TSGA10: variants seen among roughly 807,000 people sequenced by gnomAD.
TSGA10 encodes the protein testis-specific gene 10 protein.
TSGA10 carries 43 observed loss-of-function variants against 96.6 expected under a neutral mutation model. The observed-to-expected ratio is 0.44, with a 90% CI of 0.35 to 0.57. The LOEUF (loss-of-function observed/expected upper bound fraction) is 0.57, where lower values mean the gene tolerates loss of function less well. Ranked by LOEUF, TSGA10 falls within the 20% of genes least tolerant of loss-of-function variation. The pLI, the probability that TSGA10 is intolerant of heterozygous loss-of-function variation, is 0.01. For missense variants in TSGA10, 703 were observed against 834.4 expected, an observed-to-expected ratio of 0.84 and a Z score of 1.94; for synonymous variants, 229 against 269.9, an observed-to-expected ratio of 0.85 and a Z score of 1.48.
intron 16 of TSGA10, among the ~76,000 whole-genome samples, chr2:99,063,055 G>A (rs996256211): frequency 2.0e-5 from 3 of 152,154 alleles, no homozygotes; most frequent in Non-Finnish European, 4.4e-5. Context: ...TTATTGACAA[G>A]GGGATAAATT....
At chr2:99,053,693 A>T (rs1375502838) in intron 16 of TSGA10, among the ~76,000 whole-genome samples, 1 of 152,224 alleles carries the variant, frequency 6.6e-6, no homozygotes, top group Non-Finnish European at 1.5e-5. Flanking sequence ...CCAACAAAAA[A>T]TGGTTAGAAG....
chr2:99,048,453 C>T (rs1283974481), intron 16 of TSGA10, among the ~76,000 whole-genome samples: 1 of 152,108 alleles, frequency 6.6e-6, no homozygotes, highest in Non-Finnish European at 1.5e-5. Context: ...TGCTCTTTGA[C>T]AAACCTGACA....
chr2:99,128,088 G>A (rs550480046), intron 1 of TSGA10, among the ~76,000 whole-genome samples: 1 of 152,054 alleles, frequency 6.6e-6, no homozygotes, highest in Non-Finnish European at 1.5e-5. Context: ...AATTTGTTAT[G>A]AGCATCTTAG....
In TSGA10 at chr2:99,080,433, T is replaced by C. The variant is rs570271858; in HGVS notation, c.727+849A>G. Among the ~76,000 whole-genome samples, 12 of 152,276 alleles carry C rather than the reference T, an allele frequency of 7.9e-5. No homozygotes were observed. In the South Asian group the frequency reaches 2.5e-3, roughly 32 times the overall value. ...TCCTGGATCCTCTTCTCATTCTCTA[T>C]ATTTCCCTAGGTAATTTCACGGTTT... On this transcript the variant is annotated intron_variant, in intron 11 of 20. Transcript: ENST00000393483.
At chr2:99,052,161 GA>G (rs1186523718) in intron 16 of TSGA10, among the ~76,000 whole-genome samples, 2 of 151,434 alleles carry the variant, frequency 1.3e-5, no homozygotes, top group Admixed American at 6.6e-5. Context: ...ATAAAGACTA[GA>G]AAAAATAGTA....
At chr2:99,004,582 A>T (rs916561715) in intron 20 of TSGA10, among the ~76,000 whole-genome samples, 2 of 152,138 alleles carry the variant, frequency 1.3e-5, no homozygotes, top group African/African-American at 2.4e-5. Flanking sequence ...CGCTCTCAAG[A>T]CTAAACCAGG....
intron 20 of TSGA10, among the ~76,000 whole-genome samples, chr2:99,011,041 C>A (rs2078951377): frequency 6.6e-6 from 1 of 152,186 alleles, no homozygotes; most frequent in South Asian, 2.1e-4. Flanking sequence ...TACCCCCATC[C>A]CCCAAGGTGG....
intron 1 of TSGA10, chr2:99,141,024 G>C (rs1220328194): frequency 2.5e-6 from 3 of 1,185,350 alleles, no homozygotes; most frequent in Non-Finnish European, 3.2e-6. Flanking sequence ...CGCCTTCTCA[G>C]AGACCTTCCA....
intron 1 of TSGA10, chr2:99,141,656 T>A (rs759833861): frequency 1.3e-5 from 2 of 152,794 alleles, no homozygotes; most frequent in Non-Finnish European, 2.9e-5. Flanking sequence ...CATTTCTTAA[T>A]CTCTGCCTGA....
Position 99,035,359 on chromosome 2 carries a change from C to G in TSGA10, c.1485G>C (p.Gln495His), listed in dbSNP as rs1218983256. 7 of 1,613,238 alleles carry G rather than the reference C, an allele frequency of 4.3e-6. No individual in the cohort carries two copies. The highest frequency in any genetic ancestry group is 5.9e-6 in the Non-Finnish European group (7 of 1,179,498). Residue 495 changes from glutamine to histidine, a missense_variant, in exon 17 of 21, where the codon CAG becomes CAC. This residue lies in a region of TSGA10 where 585 missense variants were observed against 656.8 expected (regional missense o/e 0.89). Transcript: ENST00000393483. ...CGGACACTTTTTCAAACTGAACCTT[C>G]TGAAGCTCCTCTTCCATTTTTACAA... Reference protein sequence around the residue: ...KSVVKMEEELQKVQFEKVSAL... With the variant: ...KSVVKMEEELHKVQFEKVSAL...
chr2:99,108,681 T>A, intron 7 of TSGA10, 152 bp downstream of exon 7: 1 of 557,590 alleles, frequency 1.8e-6, no homozygotes, highest in Non-Finnish European at 2.9e-6. Flanking sequence ...TGTACTACAT[T>A]TCATTAAGAA....
At chr2:99,144,132 T>A (rs2093607046) in intron 1 of TSGA10, among the ~76,000 whole-genome samples, 1 of 152,166 alleles carries the variant, frequency 6.6e-6, no homozygotes, top group Non-Finnish European at 1.5e-5. Flanking sequence ...GCCATTCTCC[T>A]GCCTCAGCCT....
chr2:99,117,497 G>A, intron 4 of TSGA10, 47 bp downstream of exon 4: 1 of 873,288 alleles, frequency 1.1e-6, no homozygotes, highest in Non-Finnish European at 1.4e-6. Flanking sequence ...AAAATTACAT[G>A]ATGTTTAAAG....
chr2:99,137,820 T>C (rs1262656517), intron 1 of TSGA10, among the ~76,000 whole-genome samples: 1 of 151,028 alleles, frequency 6.6e-6, no homozygotes, highest in Non-Finnish European at 1.5e-5. Context: ...TTAGAAGGGA[T>C]TTATTGCAGT....
chr2:99,062,098 T>C lies in TSGA10; in HGVS notation c.1404+2841A>G, dbSNP rs145474768. Among the ~76,000 whole-genome samples the C allele has an allele frequency of 1.2e-3, 178 of 152,300 alleles. 2 individuals are homozygous for C. Among genetic ancestry groups the C allele is most frequent in the South Asian group, 2.5e-3 (12 of 4,820 alleles). On this transcript the variant is annotated intron_variant, in intron 16 of 20. Transcript: ENST00000393483. ...ACAAATCCACAGTTACAGAGGAAGATTTTAACATGTCTTTCAGTATTTGAG... is the reference window on the plus strand; with the variant it reads ...ACAAATCCACAGTTACAGAGGAAGACTTTAACATGTCTTTCAGTATTTGAG...
At chr2:99,021,866 T>C (rs1374426215) in intron 17 of TSGA10, among the ~76,000 whole-genome samples, 1 of 152,210 alleles carries the variant, frequency 6.6e-6, no homozygotes, top group Admixed American at 6.5e-5. Context: ...CATTGGGCAA[T>C]GGCAATCTCA....
At chr2:99,028,719 A>C (rs555469831) in intron 17 of TSGA10, among the ~76,000 whole-genome samples, 1 of 150,690 alleles carries the variant, frequency 6.6e-6, no homozygotes, top group Non-Finnish European at 1.5e-5. Flanking sequence ...CTCTGATCCC[A>C]GAAGGGCTCT....
At chr2:99,100,859 C>G (rs13035311) in intron 10 of TSGA10, among the ~76,000 whole-genome samples, 85,467 of 137,576 alleles carry the variant, frequency 0.62, 26,688 homozygotes, top group East Asian at 0.88. Flanking sequence ...GTAAATTACA[C>G]ATATAAATAT....
intron 4 of TSGA10, among the ~76,000 whole-genome samples, chr2:99,114,188 C>T (rs755365103): frequency 2.0e-5 from 3 of 152,150 alleles, no homozygotes; most frequent in Non-Finnish European, 4.4e-5. Context: ...ACACTAGAAA[C>T]CCAAATATTT....
Sources: allele counts gnomAD v4.1 joint callset (sites outside exome capture counted in the v4.1 genomes callset), GRCh38; gene constraint gnomAD v4.1.1; regional missense constraint gnomAD v4.1.1; transcripts MANE v1.5; gene names NCBI Gene and HGNC (gene_info 2026-07-23, HGNC 2026-07-21).